The following PHRF1 variants were observed in gnomAD, a reference collection of about 807,000 sequenced individuals.
The protein encoded by PHRF1 is PHD and RING finger domain-containing protein 1.
PHRF1 carries 53 observed loss-of-function variants against 128.9 expected under a neutral mutation model. The ratio of observed to expected loss-of-function variants is 0.41; its 90% CI spans 0.33 to 0.52. PHRF1 has a LOEUF of 0.52. Ranked by LOEUF, PHRF1 falls within the 20% of genes least tolerant of loss-of-function variation. The pLI is 0.21. For synonymous variants in PHRF1, 1,178 were observed against 980.6 expected (o/e 1.20, Z -3.76); for missense variants, 2,503 against 2,284.5 (o/e 1.10, Z -1.95).
intron 11 of PHRF1, 44 bp downstream of exon 11, chr11:605,344 C>A: frequency 1.3e-6 from 2 of 1,599,324 alleles, no homozygotes; most frequent in Non-Finnish European, 8.5e-7. Flanking sequence ...CCGCTCCTCT[C>A]CCTGGGGGCT....
chr11:605,278 T>C lies in PHRF1; in HGVS notation c.1312T>C (p.Tyr438His). Residue 438 changes from tyrosine (Y) to histidine (H), a missense_variant, in exon 11 of 18, where the codon TAT (tyrosine) becomes CAT (histidine). Physicochemically the swap from Tyr to His is moderately conservative, Grantham distance 83 (BLOSUM62 2). Transcript: ENST00000264555. Reference sequence around the variant, plus strand: ...CTCTCTGTCTCTGTTTGGAGATCCTTATGAGCTGGATCCCTTCGACAGGTG... The same window carrying C: ...CTCTCTGTCTCTGTTTGGAGATCCTCATGAGCTGGATCCCTTCGACAGGTG... ...AASLSLFGDP[Y>H]ELDPFDSSEE... The C allele has an allele frequency of 6.2e-7, 1 of 1,613,658 alleles. No individual in the cohort carries two copies. Among genetic ancestry groups the C allele is most frequent in the Non-Finnish European group, 8.5e-7 (1 of 1,179,846 alleles).
At position 608,015 on chromosome 11, in the gene PHRF1, C is replaced by T. The variant is rs774099553; in HGVS notation, c.2559C>T (p.Gly853=). The T allele has an allele frequency of 1.2e-6, 2 of 1,611,152 alleles. No homozygotes were observed. The highest frequency in any genetic ancestry group is 1.1e-5 in the South Asian group (1 of 91,078). The change falls in exon 14 of 18, where the codon GGC becomes GGT. Residue 853 remains glycine, a synonymous_variant. Coordinates refer to ENST00000264555, the MANE Select transcript of PHRF1 (RefSeq NM_001286581.2). ...PGSSPERSGP[G]LLPSEITRTI... ...GCAGCCCCGAGAGGTCTGGCCCCGGCCTCCTGCCCTCTGAGATCACACGAA... is the reference window on the plus strand; with the variant it reads ...GCAGCCCCGAGAGGTCTGGCCCCGGTCTCCTGCCCTCTGAGATCACACGAA...
Position 610,418 on chromosome 11 carries a change from A to G in PHRF1, c.4416+71A>G. ...GCACCCGTGCCACACACACCACACTAGGCTGGGGCTGAGGCCTCACAGCTC... is the reference window on the plus strand; with the variant it reads ...GCACCCGTGCCACACACACCACACTGGGCTGGGGCTGAGGCCTCACAGCTC... On this transcript the variant is annotated intron_variant, in intron 15 of 17. Coordinates refer to ENST00000264555, the MANE Select transcript of PHRF1 (RefSeq NM_001286581.2). 4 of 1,540,556 alleles carry G rather than the reference A, an allele frequency of 2.6e-6. No homozygotes were observed. In the South Asian group the frequency reaches 3.7e-5, roughly 14 times the overall value.
chr11:610,788 C>T (rs775613968), intron 16 of PHRF1, 27 bp downstream of exon 16: 18 of 1,594,706 alleles, frequency 1.1e-5, no homozygotes, highest in Non-Finnish European at 1.5e-5. Context: ...CCCACTTTCC[C>T]CATGTTCCCA....
At chr11:587,177 C>T (rs551557516) in intron 3 of PHRF1, 82 bp from the exon 4 acceptor site, 48 of 1,379,988 alleles carry the variant, frequency 3.5e-5, no homozygotes, top group Middle Eastern at 2.5e-4. Context: ...GTGTCCTGAG[C>T]GCAGCCTGGG....
At chr11:599,236 C>CTTTTT (rs1554908051) in intron 9 of PHRF1, among the ~76,000 whole-genome samples, 7 of 124,948 alleles carry the variant, frequency 5.6e-5, no homozygotes, top group Non-Finnish European at 1.1e-4. Context: ...CATACTTTTT[C>CTTTTT]TTTTTTTTTT....
intron 10 of PHRF1, among the ~76,000 whole-genome samples, chr11:604,677 G>C (rs935441625): frequency 6.6e-6 from 1 of 152,172 alleles, no homozygotes; most frequent in Non-Finnish European, 1.5e-5. Context: ...ACCAGGCCCA[G>C]CTAATTTTTG....
At chr11:586,550 C>G (rs139443706) in intron 3 of PHRF1, among the ~76,000 whole-genome samples, 202 of 152,364 alleles carry the variant, frequency 1.3e-3, no homozygotes, top group African/African-American at 4.5e-3. Flanking sequence ...GAGTCTGCTC[C>G]TCTTCCCATG....
At chr11:610,092 T>G (rs886911007) in intron 14 of PHRF1, 104 bp from the exon 15 acceptor site, 1 of 1,392,488 alleles carries the variant, frequency 7.2e-7, no homozygotes, top group Non-Finnish European at 9.5e-7. Flanking sequence ...GGCTGCTCTG[T>G]GGTCCTTGCT....
At chr11:598,346 C>G in intron 8 of PHRF1, 27 bp from the exon 9 acceptor site, 2 of 1,600,698 alleles carry the variant, frequency 1.2e-6, no homozygotes, top group South Asian at 2.2e-5. Context: ...CCAAGGGCAT[C>G]TGACGGCACC....
chr11:594,548 C>T (rs1430537220), intron 6 of PHRF1, among the ~76,000 whole-genome samples: 1 of 152,204 alleles, frequency 6.6e-6, no homozygotes, highest in Non-Finnish European at 1.5e-5. Context: ...ACTGCAACCT[C>T]GGTTCAAGGT....
At position 607,314 on chromosome 11, in the gene PHRF1, A is replaced by T. The variant is rs747569458; in HGVS notation, c.1858A>T (p.Ser620Cys). ...TCAGGCTCGGAACTTGTCAAATGGG[A>T]GTGTGCCTGGCTTCAGACAGAGCCA... ...AVQARNLSNG[S>C]VPGFRQSHSP... Residue 620 changes from serine to cysteine, a missense_variant, in exon 14 of 18, where the codon AGT becomes TGT. Coordinates refer to ENST00000264555, the MANE Select transcript of PHRF1 (RefSeq NM_001286581.2). 1 of 1,612,520 alleles carries T rather than the reference A, an allele frequency of 6.2e-7. No individual in the cohort carries two copies. The highest frequency in any genetic ancestry group is 8.5e-7 in the Non-Finnish European group (1 of 1,179,874).
chr11:590,813 C>T (rs962480651), intron 4 of PHRF1, among the ~76,000 whole-genome samples: 1 of 152,124 alleles, frequency 6.6e-6, no homozygotes, highest in African/African-American at 2.4e-5. Context: ...AAACGATTCT[C>T]CTGCCTCAGC....
intron 5 of PHRF1, among the ~76,000 whole-genome samples, chr11:592,158 A>G (rs944972634): frequency 6.8e-6 from 1 of 147,386 alleles, no homozygotes; most frequent in Non-Finnish European, 1.5e-5. Flanking sequence ...CTCGTGATCC[A>G]CCCACCTCGG....
chr11:579,974 T>C (rs1854112880), intron 1 of PHRF1, among the ~76,000 whole-genome samples: 1 of 152,240 alleles, frequency 6.6e-6, no homozygotes, highest in Admixed American at 6.5e-5. Flanking sequence ...CCCCCGTTGC[T>C]GTGGTACATG....
In PHRF1 at chr11:608,173, G is replaced by A. The variant is rs750892289; in HGVS notation, c.2717G>A (p.Arg906Gln). Residue 906 changes from arginine (R) to glutamine (Q), a missense_variant, in exon 14 of 18, where the codon CGG (arginine) becomes CAG (glutamine). Transcript: ENST00000264555. ...LGPSSAMSKL[R>Q]GAVAAEGASD... Reference sequence around the variant, plus strand: ...CCGTCCTCCGCCATGTCCAAGCTCCGGGGTGCAGTGGCTGCCGAGGGGGCC... The same window carrying A: ...CCGTCCTCCGCCATGTCCAAGCTCCAGGGTGCAGTGGCTGCCGAGGGGGCC... 127 of 1,610,320 alleles carry A rather than the reference G, an allele frequency of 7.9e-5. 1 individual carries two copies. Among genetic ancestry groups the A allele is most frequent in the Non-Finnish European group, 9.7e-5 (114 of 1,179,824 alleles).
In PHRF1 at chr11:605,831, C is replaced by G. The variant is rs567701377; in HGVS notation, c.1454+107C>G. ...CCTGGCTCTCTGTGGCCCTGGGTGG[C>G]GTCAGCACCTCCCCTCAGCTGTCAT... On this transcript the variant is annotated intron_variant, in intron 12 of 17. Coordinates refer to ENST00000264555, the MANE Select transcript of PHRF1 (RefSeq NM_001286581.2). The G allele has an allele frequency of 1.4e-5, 20 of 1,431,020 alleles. No individual in the cohort carries two copies. The Admixed American group carries it at 5.2e-4, about 38-fold the overall frequency. The allele number at this position is 1,431,020 out of a possible 1,614,324, so 88.6% of individuals were successfully genotyped here.
rs200491500 is a variant in PHRF1 at position 608,877 on chromosome 11, C to G, written c.3421C>G (p.Arg1141Gly). ...CTGCAGGCACAAGCATCAGCGGGAA[C>G]GCAGCCACGAGCGGCCAGACAGGAA... ...RLCRHKHQRERSHERPDRKES... is the reference protein window; with the variant it reads ...RLCRHKHQREGSHERPDRKES... The change falls in exon 14 of 18, where the codon CGC (arginine) becomes GGC (glycine). Residue 1141 changes from arginine to glycine, a missense_variant. Physicochemically the swap from Arg to Gly is moderately radical, Grantham distance 125. Transcript: ENST00000264555. The G allele has an allele frequency of 3.1e-6, 5 of 1,612,112 alleles. No individual in the cohort carries two copies. The South Asian group carries it at 4.4e-5, about 14-fold the overall frequency.
rs747632894 is a variant in PHRF1, at chr11:597,033, C to T, written c.718+13C>T. On this transcript the variant is annotated intron_variant, in intron 7 of 17. Coordinates refer to ENST00000264555, the MANE Select transcript of PHRF1 (RefSeq NM_001286581.2). This position sits in a 1 kb window ranked among gnomAD's most constrained non-coding sequence, Gnocchi z 6.5. ...GTCCTTGCCGCTGGTAAGGACACTG[C>T]TCCCGTCCCAAGGCGCACATGGGCC... is the stretch of plus-strand genomic sequence containing the variant. 6.2e-7 allele frequency: 1 copy of T among 1,613,086 alleles called. No individual in the cohort carries two copies. The highest frequency in any genetic ancestry group is 8.5e-7 in the Non-Finnish European group (1 of 1,179,270).
Sources: allele counts gnomAD v4.1 joint callset (sites outside exome capture counted in the v4.1 genomes callset), GRCh38; gene constraint gnomAD v4.1.1; non-coding constraint Gnocchi (gnomAD v3.1); transcripts MANE v1.5; gene names NCBI Gene and HGNC (gene_info 2026-07-23, HGNC 2026-07-21).